LPCAT1: variants seen among roughly 807,000 people sequenced by gnomAD.
LPCAT1 encodes the protein lysophosphatidylcholine acyltransferase 1.
A neutral mutation model predicts 60.9 loss-of-function variants in LPCAT1; 23 were observed. The observed-to-expected ratio is 0.38, with a 90% confidence interval of 0.27 to 0.53. The LOEUF (loss-of-function observed/expected upper bound fraction) is 0.53. Among genes scored for constraint, LPCAT1 ranks in the 20% least tolerant of loss-of-function variants. The pLI is 0.82. For synonymous variants in LPCAT1, 340 were observed against 301.1 expected (o/e 1.13, Z -1.34); for missense variants, 622 against 723.6 (o/e 0.86, Z 1.61).
intron 4 of LPCAT1, among the ~76,000 whole-genome samples, 168 bp from the exon 5 acceptor site, chr5:1,488,619 T>C (rs897017843): frequency 6.6e-6 from 1 of 152,256 alleles, no homozygotes; most frequent in Non-Finnish European, 1.5e-5. Context: ...AAGCACACAC[T>C]GATTTCCGCT....
In LPCAT1 at chr5:1,487,452, C is replaced by T. The variant is rs1434686095; in HGVS notation, c.667+939G>A. ...AGCAAAACCTGCCATCTGCCTGCTG[C>T]ACCAAGGAGGGTGGAGGGTGAAAGC... On this transcript the variant is annotated intron_variant, in intron 5 of 13. Coordinates refer to ENST00000283415, the MANE Select transcript of LPCAT1 (RefSeq NM_024830.5). This position sits in a 1 kb window ranked among gnomAD's most constrained non-coding sequence, Gnocchi z 6.1. Among the ~76,000 whole-genome samples the T allele has an allele frequency of 2.0e-5, 3 of 152,206 alleles. No individual in the cohort carries two copies. The highest frequency in any genetic ancestry group is 4.4e-5 in the Non-Finnish European group (3 of 68,048).
Position 1,495,933 on chromosome 5 carries a change from T to C in LPCAT1, c.279-1019A>G, listed in dbSNP as rs1735772496. 1.3e-5 allele frequency among the ~76,000 whole-genome samples: 2 copies of C among 152,172 alleles called. No individual in the cohort carries two copies. The highest frequency in any genetic ancestry group is 4.8e-5 in the African/African-American group (2 of 41,432). ...TGGGGCCACCTTGGAATGGCCTTTGTGTATGCGATGATAAACAATGGTGTA... is the reference window on the plus strand; with the variant it reads ...TGGGGCCACCTTGGAATGGCCTTTGCGTATGCGATGATAAACAATGGTGTA... On this transcript the variant is annotated intron_variant, in intron 2 of 13. Coordinates refer to ENST00000283415, the MANE Select transcript of LPCAT1 (RefSeq NM_024830.5). The surrounding 1 kb of genome is among the most constrained non-coding windows in gnomAD (Gnocchi z 4.7).
At chr5:1,505,972 C>A (rs1736175253) in intron 1 of LPCAT1, among the ~76,000 whole-genome samples, 1 of 152,284 alleles carries the variant, frequency 6.6e-6, no homozygotes, top group South Asian at 2.1e-4. Context: ...TCAGCCCATG[C>A]ACCCTTGTGC....
At chr5:1,511,106 T>C (rs994350676) in intron 1 of LPCAT1, among the ~76,000 whole-genome samples, 2 of 152,172 alleles carry the variant, frequency 1.3e-5, no homozygotes, top group African/African-American at 4.8e-5. Flanking sequence ...AAGCCCCATA[T>C]CCCAGCAAGA....
At position 1,494,710 on chromosome 5, in the gene LPCAT1, C is replaced by G; in HGVS notation, c.483G>C (p.Pro161=). ...GGGTGTCTCACTCACTTCCCCAGAT[C>G]GGGATGTCTCTGCTCTCTGCCTTCA... ...IVMKAESRDI[P]IWGTLIQYIR... Residue 161 remains proline (P), a synonymous_variant, in exon 3 of 14, where the codon CCG becomes CCC. Coordinates refer to ENST00000283415, the MANE Select transcript of LPCAT1 (RefSeq NM_024830.5). 6.2e-7 allele frequency: 1 copy of G among 1,614,110 alleles called. No homozygotes were observed. The highest frequency in any genetic ancestry group is 8.5e-7 in the Non-Finnish European group (1 of 1,179,954).
At chr5:1,485,002 C>T (rs1365100321) in intron 5 of LPCAT1, among the ~76,000 whole-genome samples, 1 of 152,218 alleles carries the variant, frequency 6.6e-6, no homozygotes, top group Non-Finnish European at 1.5e-5. Flanking sequence ...GCCCGGCAGC[C>T]GAGTCCCAGC....
At chr5:1,490,564 T>C (rs1735539467) in intron 3 of LPCAT1, among the ~76,000 whole-genome samples, 1 of 152,218 alleles carries the variant, frequency 6.6e-6, no homozygotes, top group African/African-American at 2.4e-5. Context: ...CTGGCACTTC[T>C]GCTTTTAGAC....
Position 1,476,759 on chromosome 5 carries a change from G to A in LPCAT1, c.899+645C>T, listed in dbSNP as rs994979235. On this transcript the variant is annotated intron_variant, in intron 9 of 13. Transcript: ENST00000283415. This position sits in a 1 kb window ranked among gnomAD's most constrained non-coding sequence, Gnocchi z 8.6. The stretch of plus-strand genomic sequence containing the variant: ...AGGACCTGGTTGCAAGGACAAGTGT[G>A]GGGGGAATGGGACCTGAGGGATGGA... Among the ~76,000 whole-genome samples the A allele has an allele frequency of 3.3e-5, 5 of 152,158 alleles. No homozygotes were observed. In the South Asian group the frequency reaches 6.2e-4, roughly 19 times the overall value.
chr5:1,504,579 T>G (rs927499368), intron 1 of LPCAT1, among the ~76,000 whole-genome samples: 5 of 152,210 alleles, frequency 3.3e-5, no homozygotes, highest in Admixed American at 3.3e-4. Flanking sequence ...CCGGGCGTGG[T>G]GGCGCATGCC....
chr5:1,520,984 G>A (rs1736657684), intron 1 of LPCAT1, among the ~76,000 whole-genome samples: 1 of 151,842 alleles, frequency 6.6e-6, no homozygotes. Context: ...AAAACCCTGG[G>A]TGACAGAAAC....
chr5:1,465,721 G>C (rs567657869), intron 13 of LPCAT1, among the ~76,000 whole-genome samples: 1 of 151,940 alleles, frequency 6.6e-6, no homozygotes, highest in Non-Finnish European at 1.5e-5. Flanking sequence ...ACACATGCAC[G>C]CTTTCAATAC....
At chr5:1,497,477 C>A (rs1181990406) in intron 2 of LPCAT1, among the ~76,000 whole-genome samples, 1 of 152,258 alleles carries the variant, frequency 6.6e-6, no homozygotes, top group African/African-American at 2.4e-5. Flanking sequence ...ATGTACACAG[C>A]CTGAGTGCTG....
intron 2 of LPCAT1, among the ~76,000 whole-genome samples, chr5:1,498,208 G>C (rs1469164439): frequency 2.6e-5 from 4 of 152,228 alleles, no homozygotes; most frequent in Non-Finnish European, 4.4e-5. Flanking sequence ...GGTACACTCT[G>C]AATCTGCTAC....
chr5:1,500,875 C>T (rs762019658), intron 2 of LPCAT1, among the ~76,000 whole-genome samples: 1 of 152,250 alleles, frequency 6.6e-6, no homozygotes, highest in African/African-American at 2.4e-5. Flanking sequence ...TGGCCCCTCC[C>T]GGGCCCACGG....
In LPCAT1 at chr5:1,522,173, C is replaced by T. The variant is rs1219724646; in HGVS notation, c.135+1537G>A. On this transcript the variant is annotated intron_variant, in intron 1 of 13. Coordinates refer to ENST00000283415, the MANE Select transcript of LPCAT1 (RefSeq NM_024830.5). The surrounding 1 kb of genome is among the most constrained non-coding windows in gnomAD (Gnocchi z 6.8). ...TTCGAATTTCATCCGGGGGCGTCCC[C>T]GCTGAGGGCTTCCGAGCAGCAGAGT... 1.3e-5 allele frequency among the ~76,000 whole-genome samples: 2 copies of T among 152,146 alleles called. No individual in the cohort carries two copies. Among genetic ancestry groups the T allele is most frequent in the Non-Finnish European group, 2.9e-5 (2 of 68,034 alleles).
intron 9 of LPCAT1, among the ~76,000 whole-genome samples, chr5:1,475,462 G>A (rs901553504): frequency 5.3e-5 from 8 of 152,186 alleles, no homozygotes; most frequent in African/African-American, 7.2e-5. Context: ...CTGATGGCCC[G>A]TCCTGGGTGG....
intron 1 of LPCAT1, among the ~76,000 whole-genome samples, chr5:1,505,388 T>A (rs1736151008): frequency 6.7e-6 from 1 of 149,296 alleles, no homozygotes; most frequent in Non-Finnish European, 1.5e-5. Flanking sequence ...CACCACAGAG[T>A]GCGGAATAAA....
rs921774779 is a variant in LPCAT1, at chr5:1,473,557, C to T, written c.1179+400G>A. Among the ~76,000 whole-genome samples the T allele has an allele frequency of 1.8e-4, 28 of 152,200 alleles. 1 individual carries two copies. Among genetic ancestry groups the T allele is most frequent in the African/African-American group, 6.3e-4 (26 of 41,430 alleles). ...AAGCCCTCCCACACCCACAGGCTGG[C>T]GGGGAGCCTCTAAGCCGATCATAGA... is the stretch of plus-strand genomic sequence containing the variant. On this transcript the variant is annotated intron_variant, in intron 11 of 13. Coordinates refer to ENST00000283415, the MANE Select transcript of LPCAT1 (RefSeq NM_024830.5).
chr5:1,504,753 T>G (rs1357237277), intron 1 of LPCAT1, among the ~76,000 whole-genome samples: 1 of 149,594 alleles, frequency 6.7e-6, no homozygotes, highest in Non-Finnish European at 1.5e-5. Context: ...AGTTACTGGG[T>G]AAGTTTCTTC....
Sources: gnomAD v4.1 joint callset for allele counts (sites outside exome capture counted in the v4.1 genomes callset) on GRCh38, gnomAD v4.1.1 for gene constraint, Gnocchi (gnomAD v3.1) non-coding constraint, MANE v1.5 for transcripts, NCBI Gene and HGNC (gene_info 2026-07-23, HGNC 2026-07-21) for gene names.